Variants in IL17RD observed in about 807,000 individuals in gnomAD.
The protein encoded by IL17RD is interleukin-17 receptor D.
A neutral mutation model predicts 80.5 loss-of-function variants in IL17RD; 52 were observed. That is an observed-to-expected ratio of 0.65 (90% CI 0.52 to 0.81). The LOEUF (loss-of-function observed/expected upper bound fraction) is 0.81, where lower values mean the gene tolerates loss of function less well. IL17RD is among the 40% of genes least tolerant of loss of function. The pLI, the probability that IL17RD is intolerant of heterozygous loss-of-function variation, is 0.00. For synonymous variants in IL17RD, 416 were observed against 391.8 expected (o/e 1.06, Z -0.73); for missense variants, 1,024 against 955.1 (o/e 1.07, Z -0.95).
intron 6 of IL17RD, 23 bp downstream of exon 6, chr3:57,106,087 T>TA: frequency 2.5e-6 from 4 of 1,611,044 alleles, no homozygotes; most frequent in Non-Finnish European, 3.4e-6. Context: ...TGAGACTTGA[T>TA]AGATAAGAAC....
At chr3:57,163,794 G>T (rs1432791090) in intron 1 of IL17RD, among the ~76,000 whole-genome samples, 2 of 81,008 alleles carry the variant, frequency 2.5e-5, no homozygotes, top group Non-Finnish European at 4.5e-5. Flanking sequence ...GCGGGGGGGC[G>T]GGGGGGGAAG....
intron 3 of IL17RD, among the ~76,000 whole-genome samples, chr3:57,112,515 G>A (rs1055837102): frequency 5.9e-5 from 9 of 152,162 alleles, no homozygotes; most frequent in Non-Finnish European, 1.2e-4. Flanking sequence ...CCTACTGGTC[G>A]ATGTTCAGTT....
chr3:57,131,404 T>C (rs1707606265), intron 1 of IL17RD, among the ~76,000 whole-genome samples: 1 of 152,176 alleles, frequency 6.6e-6, no homozygotes, highest in Admixed American at 6.5e-5. Flanking sequence ...GGTGAAAGTA[T>C]TCAGCCAACA....
chr3:57,095,319 G>A lies in IL17RD; in HGVS notation c.*1074C>T, dbSNP rs1706648300. ...TTTCTTTAGAAATAGAAACTCTGTA[G>A]AAAGTCATTCATAAAAATGGAACAT... On this transcript the variant is annotated 3_prime_UTR_variant, in exon 13 of 13. Transcript: ENST00000296318. 6.6e-6 allele frequency: 1 copy of A among 152,186 alleles called. No homozygotes were observed. The highest frequency in any genetic ancestry group is 2.4e-5 in the African/African-American group (1 of 41,454). 9.4% of individuals were successfully genotyped at this position (152,186 alleles called of 1,614,324 possible). A position where few individuals can be genotyped will look rare whatever the true frequency, so the allele number is the denominator to read the frequency against.
intron 1 of IL17RD, among the ~76,000 whole-genome samples, chr3:57,159,520 T>C (rs1397236067): frequency 2.6e-5 from 4 of 152,272 alleles, no homozygotes; most frequent in East Asian, 1.9e-4. Flanking sequence ...CCTAATCGTG[T>C]GTCAGGCCCA....
intron 5 of IL17RD, among the ~76,000 whole-genome samples, chr3:57,108,452 A>G (rs2107480145): frequency 6.8e-6 from 1 of 146,046 alleles, no homozygotes; most frequent in South Asian, 2.2e-4. Flanking sequence ...GATTACAGGC[A>G]TGAGCCACCG....
intron 3 of IL17RD, among the ~76,000 whole-genome samples, chr3:57,113,795 G>A (rs1032241886): frequency 6.6e-6 from 1 of 151,750 alleles, no homozygotes; most frequent in African/African-American, 2.4e-5. Flanking sequence ...CTCCCATCTC[G>A]GCCTCCCAAA....
chr3:57,097,786 A>G lies in IL17RD; in HGVS notation c.1917T>C (p.Gly639=). Residue 639 remains glycine (G), a synonymous_variant, in exon 12 of 13, where the codon GGT becomes GGC. Transcript: ENST00000296318. ...GCAGCAGGGGTTGCAGGGCGGCGCT[A>G]CCGTCAAGGGCAGGCCGGGCCTCCC... The part of the protein sequence containing the change: ...QDGEARPALD[G]SAALQPLLHT... The G allele has an allele frequency of 1.2e-6, 2 of 1,603,852 alleles. No homozygotes were observed. The highest frequency in any genetic ancestry group is 1.7e-6 in the Non-Finnish European group (2 of 1,174,820).
In IL17RD at chr3:57,165,290, C is replaced by T. The variant is rs1480988094; in HGVS notation, c.-4G>A. 2.7e-6 allele frequency: 4 copies of T among 1,458,010 alleles called. No individual in the cohort carries two copies. Among genetic ancestry groups the T allele is most frequent in the Non-Finnish European group, 3.6e-6 (4 of 1,102,076 alleles). The allele number at this position is 1,458,010 out of a possible 1,614,324, so 90.3% of individuals were successfully genotyped here. On this transcript the variant is annotated 5_prime_UTR_variant, in exon 1 of 13. Coordinates refer to ENST00000296318, the MANE Select transcript of IL17RD (RefSeq NM_017563.5). ...AGAGCTGCAGCCACGGGGCCATGGC[C>T]GTGCGCTCGCCCAGCCAGGCCGTTC...
chr3:57,107,015 G>A (rs926409774), intron 5 of IL17RD, among the ~76,000 whole-genome samples: 4 of 152,116 alleles, frequency 2.6e-5, no homozygotes, highest in African/African-American at 9.7e-5. Context: ...CTTCTATCTG[G>A]TTATTATGTG....
Position 57,110,188 on chromosome 3 carries a change from C to T in IL17RD, c.429+5G>A. 1 of 1,585,606 alleles carries T rather than the reference C, an allele frequency of 6.3e-7. No individual in the cohort carries two copies. The highest frequency in any genetic ancestry group is 8.6e-7 in the Non-Finnish European group (1 of 1,164,614). On this transcript the variant is annotated splice_donor_5th_base_variant and intron_variant, in intron 4 of 12. Coordinates refer to ENST00000296318, the MANE Select transcript of IL17RD (RefSeq NM_017563.5). ...TTCAGGAGCACGTTCCCCAGTGTGA[C>T]TTACAGTTCTTTTGAAGCTACTGTT...
At chr3:57,137,691 C>G (rs994349590) in intron 1 of IL17RD, among the ~76,000 whole-genome samples, 2 of 152,184 alleles carry the variant, frequency 1.3e-5, no homozygotes, top group African/African-American at 4.8e-5. Flanking sequence ...AAGGTGAGTC[C>G]TGGTCACCAG....
At chr3:57,155,824 C>T (rs1018452369) in intron 1 of IL17RD, among the ~76,000 whole-genome samples, 1 of 152,184 alleles carries the variant, frequency 6.6e-6, no homozygotes, top group Non-Finnish European at 1.5e-5. Context: ...CTCCTGACCT[C>T]AGGTGATCCG....
In IL17RD at chr3:57,114,098, C is replaced by T. The variant is rs561448890; in HGVS notation, c.310+594G>A. Among the ~76,000 whole-genome samples, 6 of 151,572 alleles carry T rather than the reference C, an allele frequency of 4.0e-5. No individual in the cohort carries two copies. The South Asian group carries it at 6.3e-4, about 16-fold the overall frequency. On this transcript the variant is annotated intron_variant, in intron 3 of 12. Transcript: ENST00000296318. ...ACTCGGGCAGCTGAGGCAGGAGAAT[C>T]GCTTGAAACTGGAAGGCGGAAGTTG...
chr3:57,102,434 T>TG lies in IL17RD; in HGVS notation c.979+44dup, dbSNP rs1180479687. 4 of 1,124,396 alleles carry TG rather than the reference T, an allele frequency of 3.6e-6. No homozygotes were observed. In the African/African-American group the frequency reaches 6.2e-5, roughly 17 times the overall value. 69.7% of individuals were successfully genotyped at this position (1,124,396 alleles called of 1,614,324 possible). On this transcript the variant is annotated intron_variant, in intron 10 of 12. Coordinates refer to ENST00000296318, the MANE Select transcript of IL17RD (RefSeq NM_017563.5). ...CTCTCTTTCTCTTGGCAGCACCCCC[T>TG]GGCCTGCCCCTTGTTGTGGGGAGAC...
chr3:57,134,219 G>A, intron 1 of IL17RD: 3 of 690,300 alleles, frequency 4.3e-6, no homozygotes, highest in South Asian at 4.1e-5. Flanking sequence ...ACCCCAATAA[G>A]ACCAATGAAA....
intron 1 of IL17RD, among the ~76,000 whole-genome samples, chr3:57,159,067 C>T (rs2107544984): frequency 6.6e-6 from 1 of 152,104 alleles, no homozygotes; most frequent in Non-Finnish European, 1.5e-5. Flanking sequence ...ATTGCTTTAA[C>T]CTGCCATATA....
intron 1 of IL17RD, among the ~76,000 whole-genome samples, chr3:57,149,330 G>T (rs912131947): frequency 6.6e-6 from 1 of 150,924 alleles, no homozygotes; most frequent in Non-Finnish European, 1.5e-5. Flanking sequence ...CCTTCACTCG[G>T]CAGAATTGTC....
At chr3:57,143,154 C>T (rs1296327190) in intron 1 of IL17RD, among the ~76,000 whole-genome samples, 3 of 152,154 alleles carry the variant, frequency 2.0e-5, no homozygotes, top group Non-Finnish European at 2.9e-5. Flanking sequence ...GCTGCTGGTA[C>T]GGCAGAGGAA....
Sources: gnomAD v4.1 joint callset for allele counts (sites outside exome capture counted in the v4.1 genomes callset) on GRCh38, gnomAD v4.1.1 for gene constraint, MANE v1.5 for transcripts, NCBI Gene and HGNC (gene_info 2026-07-23, HGNC 2026-07-21) for gene names.